The following AR variants were observed in gnomAD, a reference collection of about 807,000 sequenced individuals.
AR encodes dihydrotestosterone receptor.
Under a neutral mutation model 53.9 loss-of-function variants are expected in AR, and 8 were observed. That is an observed-to-expected ratio of 0.15 (90% CI 0.09 to 0.27). The LOEUF (loss-of-function observed/expected upper bound fraction) is 0.27, where lower values mean the gene tolerates loss of function less well. Among genes scored for constraint, AR ranks in the 10% least tolerant of loss-of-function variants. The pLI is 1.00. For missense variants in AR, 639 were observed against 742.5 expected, an observed-to-expected ratio of 0.86 and a Z score of 1.62; for synonymous variants, 359 against 316.4, an observed-to-expected ratio of 1.13 and a Z score of -1.43.
chrX:67,703,638 G>T (rs1229512219), intron 3 of AR, among the ~76,000 whole-genome samples: 1 of 111,755 alleles, frequency 8.9e-6, no homozygotes, highest in Non-Finnish European at 1.9e-5. Context: ...ATGTTACAGT[G>T]CATTTTTTTA....
At chrX:67,599,772 C>A (rs1056933687) in intron 1 of AR, among the ~76,000 whole-genome samples, 1 of 112,175 alleles carries the variant, frequency 8.9e-6, no homozygotes, top group South Asian at 3.7e-4. Flanking sequence ...TGAAGCTAAG[C>A]GACAAAGCTG....
chrX:67,628,915 T>C (rs1330775730), intron 1 of AR, among the ~76,000 whole-genome samples: 3 of 111,491 alleles, frequency 2.7e-5, no homozygotes, highest in Non-Finnish European at 3.8e-5. Context: ...TTGTCTTTGG[T>C]TCTGTTTATA....
At position 67,670,523 on chromosome X, in the gene AR, T is replaced by C. The variant is rs1053308554; in HGVS notation, c.1769-15487T>C. Among the ~76,000 whole-genome samples, 3 of 106,996 alleles carry C rather than the reference T, an allele frequency of 2.8e-5. No homozygotes were observed. In the Admixed American group the frequency reaches 3.1e-4, roughly 11 times the overall value. The allele number at this position is 106,996 out of a possible 115,157, so 92.9% of individuals were successfully genotyped here. ...AATTAGCAGCTATACTAATATATTA[T>C]ATATATACTACATAAAGCATATATA... is the stretch of plus-strand genomic sequence containing the variant. On this transcript the variant is annotated intron_variant, in intron 2 of 7. Transcript: ENST00000374690.
chrX:67,697,852 T>G (rs1261992767), intron 3 of AR, among the ~76,000 whole-genome samples: 2 of 111,706 alleles, frequency 1.8e-5, no homozygotes, highest in Non-Finnish European at 3.8e-5. Context: ...ATTTTAGAAC[T>G]TCAGTGTCAT....
intron 4 of AR, among the ~76,000 whole-genome samples, chrX:67,714,865 A>G (rs761861768): frequency 8.9e-6 from 1 of 111,788 alleles, no homozygotes. Flanking sequence ...CAGGTATTAT[A>G]ATCAGATTAG....
At chrX:67,614,146 T>C (rs1287490582) in intron 1 of AR, among the ~76,000 whole-genome samples, 1 of 112,004 alleles carries the variant, frequency 8.9e-6, no homozygotes, top group Non-Finnish European at 1.9e-5. Context: ...GAGGCAGTGC[T>C]GGGAAATAAA....
intron 1 of AR, among the ~76,000 whole-genome samples, chrX:67,617,645 G>T (rs1445346863): frequency 8.9e-6 from 1 of 111,809 alleles, no homozygotes; most frequent in East Asian, 2.8e-4. Context: ...GATCCCACAA[G>T]ATAAATTTAT....
intron 1 of AR, among the ~76,000 whole-genome samples, chrX:67,550,676 CAAAA>C (rs990775868): frequency 1.9e-5 from 2 of 106,877 alleles, no homozygotes; most frequent in Non-Finnish European, 3.9e-5. Flanking sequence ...AAAAACCAAA[CAAAA>C]AAATCAAGTT....
chrX:67,646,342 G>C (rs1926058033), intron 2 of AR, among the ~76,000 whole-genome samples: 1 of 110,756 alleles, frequency 9.0e-6, no homozygotes, highest in Admixed American at 9.7e-5. Context: ...TGAGGGTGAG[G>C]CTGGGCAGGG....
intron 1 of AR, 24 bp from the exon 2 acceptor site, chrX:67,643,232 C>A (rs1925878553): frequency 8.3e-7 from 1 of 1,210,819 alleles, no homozygotes; most frequent in African/African-American, 1.7e-5. Flanking sequence ...ACATGTGTTG[C>A]ATTGGTTTTT....
intron 1 of AR, among the ~76,000 whole-genome samples, chrX:67,587,136 G>C (rs1470820049): frequency 2.7e-5 from 3 of 112,240 alleles, no homozygotes; most frequent in Non-Finnish European, 5.6e-5. Context: ...CAGCTAGGAA[G>C]TGGGAGAGGC....
intron 2 of AR, among the ~76,000 whole-genome samples, chrX:67,678,512 ATG>A (rs1436852255): frequency 3.6e-5 from 4 of 111,821 alleles, no homozygotes; most frequent in African/African-American, 1.3e-4. Context: ...TCCATCGTGT[ATG>A]TACACCACAT....
At chrX:67,560,499 C>T (rs976026471) in intron 1 of AR, among the ~76,000 whole-genome samples, 3 of 111,712 alleles carry the variant, frequency 2.7e-5, no homozygotes, top group Non-Finnish European at 5.6e-5. Context: ...CTTATTTTTT[C>T]CCTATTCTTC....
chrX:67,668,825 G>C (rs773756813), intron 2 of AR, among the ~76,000 whole-genome samples: 1 of 110,596 alleles, frequency 9.0e-6, no homozygotes, highest in Non-Finnish European at 1.9e-5. Flanking sequence ...TTTCTTCTAG[G>C]TTTTCCAATG....
rs1203543264 is a variant in AR at position 67,688,552 on chromosome X, A to G, written c.1885+2426A>G. 7.2e-5 allele frequency among the ~76,000 whole-genome samples: 8 copies of G among 111,687 alleles called. No individual in the cohort carries two copies. In the East Asian group the frequency reaches 2.3e-3, roughly 31 times the overall value. Reference sequence around the variant, plus strand: ...TAAGTAACTTGGTATGCCATATAATATGTAACAGCACCAACAGGCAGAGAA... The same window carrying G: ...TAAGTAACTTGGTATGCCATATAATGTGTAACAGCACCAACAGGCAGAGAA... On this transcript the variant is annotated intron_variant, in intron 3 of 7. Coordinates refer to ENST00000374690, the MANE Select transcript of AR (RefSeq NM_000044.6).
At chrX:67,628,345 T>C (rs1234917216) in intron 1 of AR, among the ~76,000 whole-genome samples, 3 of 95,564 alleles carry the variant, frequency 3.1e-5, no homozygotes, top group African/African-American at 1.0e-4. Context: ...CTTGAAGAGG[T>C]CCTTCACATC....
chrX:67,646,751 A>T (rs1356254860), intron 2 of AR, among the ~76,000 whole-genome samples: 2 of 111,230 alleles, frequency 1.8e-5, no homozygotes, highest in African/African-American at 3.3e-5. Context: ...TAGATATTTT[A>T]AAATGTGCTT....
chrX:67,544,587 A>G lies in AR; in HGVS notation c.-560A>G, dbSNP rs1451769996. ...AGCCAGGCGACTGGGGAGCGGCTTCAGCACTGCAGCCACGACCCGCCTGGT... is the reference window on the plus strand; with the variant it reads ...AGCCAGGCGACTGGGGAGCGGCTTCGGCACTGCAGCCACGACCCGCCTGGT... On this transcript the variant is annotated 5_prime_UTR_variant, in exon 1 of 8. Coordinates refer to ENST00000374690, the MANE Select transcript of AR (RefSeq NM_000044.6). 7 of 168,111 alleles carry G rather than the reference A, an allele frequency of 4.2e-5. No individual in the cohort carries two copies. The East Asian group carries it at 5.8e-4, about 14-fold the overall frequency. The allele number at this position is 168,111 out of a possible 1,213,427, so 13.9% of individuals were successfully genotyped here.
intron 6 of AR, 22 bp from the exon 7 acceptor site, chrX:67,722,805 T>A (rs2076141584): frequency 1.7e-6 from 2 of 1,208,375 alleles, no homozygotes; most frequent in Admixed American, 4.4e-5. Context: ...CCCCTCCCCA[T>A]TCTGTCTTCA....
Sources: allele counts gnomAD v4.1 joint callset (sites outside exome capture counted in the v4.1 genomes callset), GRCh38; gene constraint gnomAD v4.1.1; transcripts MANE v1.5; gene names NCBI Gene and HGNC (gene_info 2026-07-23, HGNC 2026-07-21).